Variants in UBE2O observed in about 807,000 individuals in gnomAD.
UBE2O encodes (E3-independent) E2 ubiquitin-conjugating enzyme.
UBE2O carries 15 observed loss-of-function variants against 125.8 expected under a neutral mutation model. The observed-to-expected ratio is 0.12, with a 90% CI of 0.08 to 0.18. The LOEUF (loss-of-function observed/expected upper bound fraction) is 0.18. Ranked by LOEUF, UBE2O falls within the 10% of genes least tolerant of loss-of-function variation. The pLI, the probability that UBE2O is intolerant of heterozygous loss-of-function variation, is 1.00. For missense variants in UBE2O, 1,280 were observed against 1,723.6 expected (o/e 0.74, Z 4.56); for synonymous variants, 708 against 703.2 (o/e 1.01, Z -0.11).
intron 1 of UBE2O, among the ~76,000 whole-genome samples, chr17:76,428,854 A>G (rs2072855847): frequency 6.6e-6 from 1 of 152,034 alleles, no homozygotes; most frequent in African/African-American, 2.4e-5. Flanking sequence ...TATATAAGAC[A>G]TGACCATCAA....
intron 1 of UBE2O, among the ~76,000 whole-genome samples, chr17:76,429,146 C>T (rs952211087): frequency 2.0e-5 from 3 of 151,802 alleles, no homozygotes; most frequent in Admixed American, 6.6e-5. Flanking sequence ...GTGATCTGCC[C>T]GCCTCGGCCT....
rs1162025563 is a variant in UBE2O, at chr17:76,391,216, C to G, written c.3606G>C (p.Glu1202Asp). ...PGEASQGSDSEGGAQGLASAS... is the reference protein window; with the variant it reads ...PGEASQGSDSDGGAQGLASAS... ...CTGAGGCCAGGCCCTGGGCACCGCC[C>G]TCTGAGTCTGAGCCCTGGGAGGCCT... Residue 1202 changes from glutamate (E) to aspartate (D), a missense_variant, in exon 18 of 18, where the codon GAG becomes GAC. Glu to Asp is a conservative substitution (Grantham distance 45, BLOSUM62 2). This residue lies in a region of UBE2O where 233 missense variants were observed against 279.0 expected (regional missense o/e 0.84). Transcript: ENST00000319380. The surrounding 1 kb of genome is among the most constrained non-coding windows in gnomAD (Gnocchi z 8.4). 1 of 1,613,402 alleles carries G rather than the reference C, an allele frequency of 6.2e-7. No homozygotes were observed. The highest frequency in any genetic ancestry group is 8.5e-7 in the Non-Finnish European group (1 of 1,179,566).
intron 13 of UBE2O, 118 bp downstream of exon 13, chr17:76,397,681 T>C (rs2072238073): frequency 9.8e-7 from 1 of 1,020,928 alleles, no homozygotes; most frequent in East Asian, 2.4e-5. Flanking sequence ...CCCCTCACGC[T>C]TTCGCTGAGA....
Position 76,400,515 on chromosome 17 carries a change from G to A in UBE2O, c.930C>T (p.Thr310=), listed in dbSNP as rs779019194. The change falls in exon 7 of 18, where the codon ACC becomes ACT. Residue 310 remains threonine, a synonymous_variant. Transcript: ENST00000319380. This position sits in a 1 kb window ranked among gnomAD's most constrained non-coding sequence, Gnocchi z 4.3. ...QVVELKVTWI[T]KSFCPGGTDS... Reference sequence around the variant, plus strand: ...CCGTGCCCCCTGGACAGAAACTCTTGGTAATCCATGTAACTTTCAACTCTA... The same window carrying A: ...CCGTGCCCCCTGGACAGAAACTCTTAGTAATCCATGTAACTTTCAACTCTA... 8.7e-6 allele frequency: 14 copies of A among 1,613,358 alleles called. No homozygotes were observed. Among genetic ancestry groups the A allele is most frequent in the Middle Eastern group, 1.7e-4 (1 of 6,058 alleles).
intron 1 of UBE2O, among the ~76,000 whole-genome samples, chr17:76,420,750 G>C (rs549605924): frequency 1.3e-5 from 2 of 152,258 alleles, no homozygotes; most frequent in South Asian, 4.1e-4. Context: ...GTGCAAGCTG[G>C]GGTCTTGCAC....
chr17:76,406,319 C>T (rs2072417609), intron 1 of UBE2O, among the ~76,000 whole-genome samples: 1 of 152,186 alleles, frequency 6.6e-6, no homozygotes, highest in Non-Finnish European at 1.5e-5. Context: ...TAGCTGGTTC[C>T]TCAAACCTGG....
chr17:76,411,385 G>A (rs1220238851), intron 1 of UBE2O, among the ~76,000 whole-genome samples: 1 of 152,196 alleles, frequency 6.6e-6, no homozygotes, highest in Non-Finnish European at 1.5e-5. Context: ...TGCTCCTGGA[G>A]GCCATGCCCT....
At chr17:76,434,506 CTCACAGGAA>C (rs1273762127) in intron 1 of UBE2O, among the ~76,000 whole-genome samples, 2 of 152,130 alleles carry the variant, frequency 1.3e-5, no homozygotes, top group Non-Finnish European at 2.9e-5. Context: ...TGAGATATGT[CTCACAGGAA>C]TCACATGAAG....
chr17:76,450,516 C>G (rs1374808636), intron 1 of UBE2O, among the ~76,000 whole-genome samples: 1 of 152,050 alleles, frequency 6.6e-6, no homozygotes, highest in African/African-American at 2.4e-5. Context: ...GCTACAATGA[C>G]AAAATACCAC....
chr17:76,425,225 C>CAAAAAAAAAAA (rs58377572), intron 1 of UBE2O, among the ~76,000 whole-genome samples: 1 of 95,082 alleles, frequency 1.1e-5, no homozygotes, highest in African/African-American at 3.5e-5. Flanking sequence ...GTCCTTTCGA[C>CAAAAAAAAAAA]AAAAAAAAAA....
Position 76,399,862 on chromosome 17 carries a change from C to T in UBE2O, c.1215G>A (p.Gln405=). The change falls in exon 9 of 18, where the codon CAG becomes CAA. Residue 405 remains glutamine (Q), a synonymous_variant. Coordinates refer to ENST00000319380, the MANE Select transcript of UBE2O (RefSeq NM_022066.4). The surrounding 1 kb of genome is among the most constrained non-coding windows in gnomAD (Gnocchi z 6.9). The part of the protein sequence containing the change: ...VRIMSCSPDT[Q]CSRDHSMEDP... ...CTTCCATGGAATGGTCCCGGGAACACTGGGTGTCTGGGGAGCATGACATGA... is the reference window on the plus strand; with the variant it reads ...CTTCCATGGAATGGTCCCGGGAACATTGGGTGTCTGGGGAGCATGACATGA... 3.1e-6 allele frequency: 5 copies of T among 1,613,734 alleles called. No individual in the cohort carries two copies. Among genetic ancestry groups the T allele is most frequent in the Non-Finnish European group, 4.2e-6 (5 of 1,179,822 alleles).
At chr17:76,419,988 C>T (rs970338330) in intron 1 of UBE2O, among the ~76,000 whole-genome samples, 1 of 152,212 alleles carries the variant, frequency 6.6e-6, no homozygotes, top group Non-Finnish European at 1.5e-5. Flanking sequence ...CTCCCTGCAA[C>T]TGCGAATGCA....
At chr17:76,440,846 T>C (rs2073067225) in intron 1 of UBE2O, among the ~76,000 whole-genome samples, 1 of 152,234 alleles carries the variant, frequency 6.6e-6, no homozygotes, top group Admixed American at 6.5e-5. Context: ...GGAGACAGTA[T>C]AGCCTGCAAC....
chr17:76,452,582 G>A lies in UBE2O; in HGVS notation c.417+143C>T, dbSNP rs2073270264. The A allele has an allele frequency of 1.3e-6, 1 of 743,864 alleles. No homozygotes were observed. Among genetic ancestry groups the A allele is most frequent in the African/African-American group, 1.9e-5 (1 of 53,998 alleles). The allele number at this position is 743,864 out of a possible 1,614,324, so 46.1% of individuals were successfully genotyped here. A position where few individuals can be genotyped will look rare whatever the true frequency, so the allele number is the denominator to read the frequency against. On this transcript the variant is annotated intron_variant, in intron 1 of 17. Coordinates refer to ENST00000319380, the MANE Select transcript of UBE2O (RefSeq NM_022066.4). This position sits in a 1 kb window ranked among gnomAD's most constrained non-coding sequence, Gnocchi z 4.4. ...CTGCTGCAATGACTTTGCATGGAGT[G>A]TACCCTCCACTGGGGCTGTCCTCCC...
intron 1 of UBE2O, among the ~76,000 whole-genome samples, chr17:76,443,417 T>A (rs1037693258): frequency 6.6e-6 from 1 of 152,000 alleles, no homozygotes. Flanking sequence ...GCCTCCCGAG[T>A]AGCTGGGATC....
chr17:76,390,563 T>C lies in UBE2O; in HGVS notation c.*380A>G, dbSNP rs1189480483. ...CAACCCACACTTCATGCAAGGCACA[T>C]GTGCTCTCCTGCGGGTCTGCAGGGA... On this transcript the variant is annotated 3_prime_UTR_variant, in exon 18 of 18. Transcript: ENST00000319380. 1.0e-5 allele frequency: 2 copies of C among 191,434 alleles called. No individual in the cohort carries two copies. The highest frequency in any genetic ancestry group is 2.9e-4 in the East Asian group (2 of 6,910). 11.9% of individuals were successfully genotyped at this position (191,434 alleles called of 1,614,324 possible).
intron 3 of UBE2O, among the ~76,000 whole-genome samples, chr17:76,403,175 CAG>C (rs1329805063): frequency 6.7e-6 from 1 of 149,832 alleles, no homozygotes; most frequent in African/African-American, 2.4e-5. Context: ...TGTTTACTAA[CAG>C]AAAGGGAGCA....
intron 1 of UBE2O, among the ~76,000 whole-genome samples, chr17:76,423,925 G>A (rs1407703514): frequency 3.9e-5 from 4 of 101,340 alleles, no homozygotes; most frequent in East Asian, 5.9e-4. Flanking sequence ...TTTTTGAGAC[G>A]GAGTCTCGCT....
intron 1 of UBE2O, chr17:76,430,488 G>T: frequency 7.7e-6 from 2 of 261,408 alleles, no homozygotes; most frequent in South Asian, 8.4e-5. Flanking sequence ...TCTACAAAAT[G>T]GGTGGTCTTT....
Sources: allele counts gnomAD v4.1 joint callset (sites outside exome capture counted in the v4.1 genomes callset), GRCh38; gene constraint gnomAD v4.1.1; regional missense constraint gnomAD v4.1.1; non-coding constraint Gnocchi (gnomAD v3.1); transcripts MANE v1.5; gene names NCBI Gene and HGNC (gene_info 2026-07-23, HGNC 2026-07-21).